RPTOR: variants seen among roughly 807,000 people sequenced by gnomAD.
RPTOR encodes the protein regulatory-associated protein of mTOR.
Under a neutral mutation model 169.9 loss-of-function variants are expected in RPTOR, and 21 were observed. The observed-to-expected ratio is 0.12, with a 90% CI of 0.09 to 0.18. The LOEUF is 0.18. Ranked by LOEUF, RPTOR falls within the 10% of genes least tolerant of loss-of-function variation. The pLI, the probability that RPTOR is intolerant of heterozygous loss-of-function variation, is 1.00. For missense variants in RPTOR, 1,133 were observed against 1,855.9 expected (o/e 0.61, Z 7.16); for synonymous variants, 732 against 753.2 (o/e 0.97, Z 0.46).
intron 3 of RPTOR, among the ~76,000 whole-genome samples, chr17:80,666,283 T>C (rs900288804): frequency 6.6e-6 from 1 of 152,224 alleles, no homozygotes; most frequent in African/African-American, 2.4e-5. Flanking sequence ...TTATCTACTC[T>C]TTCTTCTTGC....
intron 3 of RPTOR, among the ~76,000 whole-genome samples, chr17:80,685,481 G>C (rs1289939338): frequency 1.3e-5 from 2 of 148,764 alleles, no homozygotes; most frequent in South Asian, 2.2e-4. Flanking sequence ...ATAGAGTCTT[G>C]ATATGTTAAC....
At chr17:80,898,690 C>T (rs1567975912) in intron 20 of RPTOR, among the ~76,000 whole-genome samples, 2 of 124,436 alleles carry the variant, frequency 1.6e-5, no homozygotes, top group African/African-American at 3.0e-5. Context: ...CCCGCCGCCC[C>T]GACTCCCCCC....
At position 80,964,458 on chromosome 17, in the gene RPTOR, A is replaced by C; in HGVS notation, c.*128A>C. 5.6e-6 allele frequency: 5 copies of C among 891,690 alleles called. No homozygotes were observed. Among genetic ancestry groups the C allele is most frequent in the Non-Finnish European group, 9.0e-6 (5 of 556,122 alleles). 55.2% of individuals were successfully genotyped at this position (891,690 alleles called of 1,614,324 possible). On this transcript the variant is annotated 3_prime_UTR_variant, in exon 34 of 34. Coordinates refer to ENST00000306801, the MANE Select transcript of RPTOR (RefSeq NM_020761.3). ...ACGTTGGCTGCTGCCTTAGCTGCTG[A>C]TGACGGCAGGAGGGCCCTGCTACTC...
chr17:80,791,913 C>G lies in RPTOR; in HGVS notation c.890+404C>G, dbSNP rs371588123. Among the ~76,000 whole-genome samples, 21 of 152,172 alleles carry G rather than the reference C, an allele frequency of 1.4e-4. 1 individual carries two copies. Among genetic ancestry groups the G allele is most frequent in the East Asian group, 1.2e-3 (6 of 5,176 alleles). On this transcript the variant is annotated intron_variant, in intron 7 of 33. Coordinates refer to ENST00000306801, the MANE Select transcript of RPTOR (RefSeq NM_020761.3). ...TCTGTAACTTTCCATCCCCTCCCCC[C>G]CTGTCGCCATCCAGTTTCCATTTTA...
chr17:80,783,261 C>CCT (rs575539371), intron 6 of RPTOR, among the ~76,000 whole-genome samples: 1 of 152,088 alleles, frequency 6.6e-6, no homozygotes, highest in Admixed American at 6.6e-5. Flanking sequence ...CTCTCTTCCC[C>CCT]CTCTCTCTCT....
chr17:80,904,032 G>A (rs756096580), intron 20 of RPTOR, among the ~76,000 whole-genome samples: 2 of 152,240 alleles, frequency 1.3e-5, no homozygotes, highest in African/African-American at 4.8e-5. Flanking sequence ...TTGTCTCGTA[G>A]GGGTACTGAA....
chr17:80,857,742 G>T, intron 12 of RPTOR, 48 bp from the exon 13 acceptor site: 1 of 1,427,886 alleles, frequency 7.0e-7, no homozygotes. Flanking sequence ...GCTGCTGCCC[G>T]TTCCCTTGCT....
chr17:80,837,278 G>C (rs2067574678), intron 9 of RPTOR, among the ~76,000 whole-genome samples: 1 of 152,116 alleles, frequency 6.6e-6, no homozygotes, highest in Non-Finnish European at 1.5e-5. Context: ...AGACTGCAGG[G>C]TGCCTGGTGA....
At chr17:80,858,262 T>C (rs1456621480) in intron 13 of RPTOR, 10 of 282,472 alleles carry the variant, frequency 3.5e-5, no homozygotes, top group African/African-American at 8.7e-5. Flanking sequence ...AACCCCGCCA[T>C]GGCATAAACT....
At position 80,726,227 on chromosome 17, in the gene RPTOR, T is replaced by G. The variant is rs555572101; in HGVS notation, c.508-4333T>G. 2.1e-3 allele frequency among the ~76,000 whole-genome samples: 322 copies of G among 152,228 alleles called. 2 individuals carry two copies. The highest frequency in any genetic ancestry group is 7.6e-3 in the African/African-American group (317 of 41,538). On this transcript the variant is annotated intron_variant, in intron 4 of 33. Coordinates refer to ENST00000306801, the MANE Select transcript of RPTOR (RefSeq NM_020761.3). The surrounding 1 kb of genome is among the most constrained non-coding windows in gnomAD (Gnocchi z 4.5). Reference sequence around the variant, plus strand: ...TACGGGGTGAAAGCCCCTCTTAGAATTTAAAGTCCTAGAGCAGAGACCAAC... The same window carrying G: ...TACGGGGTGAAAGCCCCTCTTAGAAGTTAAAGTCCTAGAGCAGAGACCAAC...
intron 3 of RPTOR, among the ~76,000 whole-genome samples, chr17:80,700,706 G>A (rs375833878): frequency 3.0e-4 from 8 of 26,582 alleles, no homozygotes; most frequent in East Asian, 2.1e-3. Context: ...GATGGTGGTG[G>A]TGATGGTGGT....
At chr17:80,892,491 G>T (rs1010811144) in intron 18 of RPTOR, among the ~76,000 whole-genome samples, 1 of 152,256 alleles carries the variant, frequency 6.6e-6, no homozygotes, top group African/African-American at 2.4e-5. Context: ...CCTCTCCCCT[G>T]TTGTCTTTTG....
In RPTOR at chr17:80,858,161, C is replaced by T. The variant is rs2067876112; in HGVS notation, c.1509+261C>T. 11 of 500,498 alleles carry T rather than the reference C, an allele frequency of 2.2e-5. No individual in the cohort carries two copies. The South Asian group carries it at 2.5e-4, about 11-fold the overall frequency. The allele number at this position is 500,498 out of a possible 1,614,324, so 31.0% of individuals were successfully genotyped here. A position where few individuals can be genotyped will look rare whatever the true frequency, so the allele number is the denominator to read the frequency against. ...TCAGTCCCCCCACACCGTCCTGTCC[C>T]TGGCCTTCCCCTGGTGCCCTGCACT... On this transcript the variant is annotated intron_variant, in intron 13 of 33. Coordinates refer to ENST00000306801, the MANE Select transcript of RPTOR (RefSeq NM_020761.3).
At chr17:80,594,943 A>G (rs2065134228) in intron 1 of RPTOR, among the ~76,000 whole-genome samples, 1 of 152,078 alleles carries the variant, frequency 6.6e-6, no homozygotes. Context: ...GGCTCCTTCT[A>G]AAAGTGTTCA....
At chr17:80,615,491 G>A (rs575368862) in intron 1 of RPTOR, among the ~76,000 whole-genome samples, 34 of 152,312 alleles carry the variant, frequency 2.2e-4, no homozygotes, top group African/African-American at 8.2e-4. Flanking sequence ...GTGTTAAGAA[G>A]ATTATGGGGA....
chr17:80,560,883 A>G (rs972263953), intron 1 of RPTOR, among the ~76,000 whole-genome samples: 7 of 151,276 alleles, frequency 4.6e-5, no homozygotes, highest in South Asian at 4.2e-4. Flanking sequence ...TAGGTGATCA[A>G]TAACTGTTTG....
Position 80,885,018 on chromosome 17 carries a change from C to T in RPTOR, c.1853C>T (p.Ala618Val), listed in dbSNP as rs1407305893. 1 of 1,609,294 alleles carries T rather than the reference C, an allele frequency of 6.2e-7. No individual in the cohort carries two copies. The highest frequency in any genetic ancestry group is 8.5e-7 in the Non-Finnish European group (1 of 1,178,624). The change falls in exon 17 of 34, where the codon GCA becomes GTA. Residue 618 changes from alanine to valine, a missense_variant. Physicochemically the swap from Ala to Val is moderately conservative, Grantham distance 64 (BLOSUM62 0). This residue lies in a region of RPTOR where 289 missense variants were observed against 585.8 expected (regional missense o/e 0.49). Transcript: ENST00000306801. ...LSDPIPEVRCAAVFALGTFVG... is the reference protein window; with the variant it reads ...LSDPIPEVRCVAVFALGTFVG... ...CCCGCCGCCTTGCAGGTCCGCTGCG[C>T]AGCGGTCTTCGCCCTTGGCACGTTC...
At chr17:80,809,777 G>A (rs917324649) in intron 7 of RPTOR, among the ~76,000 whole-genome samples, 3 of 152,076 alleles carry the variant, frequency 2.0e-5, no homozygotes, top group East Asian at 1.9e-4. Context: ...GGTGGCTCAC[G>A]TCTGTAATCC....
chr17:80,793,078 C>T (rs527528302), intron 7 of RPTOR, among the ~76,000 whole-genome samples: 195 of 152,272 alleles, frequency 1.3e-3, no homozygotes, highest in African/African-American at 4.6e-3. Context: ...CTCAAAGCGC[C>T]GGGATTACAG....
Sources: gnomAD v4.1 joint callset for allele counts (sites outside exome capture counted in the v4.1 genomes callset) on GRCh38, gnomAD v4.1.1 for gene constraint, gnomAD v4.1.1 regional missense constraint, Gnocchi (gnomAD v3.1) non-coding constraint, MANE v1.5 for transcripts, NCBI Gene and HGNC (gene_info 2026-07-23, HGNC 2026-07-21) for gene names.